Variants in TMED3 observed in about 807,000 individuals in gnomAD.
TMED3 encodes the protein transmembrane emp24 domain-containing protein 3.
A neutral mutation model predicts 15.0 loss-of-function variants in TMED3; 9 were observed. That is an observed-to-expected ratio of 0.60 (90% confidence interval 0.36 to 1.04). The LOEUF is 1.04. TMED3 is among the 50% of genes least tolerant of loss of function. The pLI, the probability that TMED3 is intolerant of heterozygous loss-of-function variation, is 0.01. For synonymous variants in TMED3, 117 were observed against 121.4 expected (o/e 0.96, Z 0.24); for missense variants, 267 against 278.9 (o/e 0.96, Z 0.30).
Position 79,352,863 on chromosome 15 carries a change from TATAC to T in TMED3, c.417+38862_417+38865del, listed in dbSNP as rs2058896992. On this transcript the variant is annotated intron_variant, in intron 2 of 2. Coordinates refer to the TMED3 transcript ENST00000424155. The stretch of plus-strand genomic sequence containing the variant: ...ATATATATAAAATATACATATAAAA[TATAC>T]ATATATAAAATATACATATAATATA... Among the ~76,000 whole-genome samples, 12 of 109,234 alleles carry T rather than the reference TATAC, an allele frequency of 1.1e-4. No individual in the cohort carries two copies. In the South Asian group the frequency reaches 3.6e-3, roughly 32 times the overall value. The allele number at this position is 109,234 out of a possible 152,430, so 71.7% of individuals were successfully genotyped here.
intron 2 of TMED3, among the ~76,000 whole-genome samples, chr15:79,340,947 A>G (rs1349777628): frequency 1.3e-5 from 2 of 152,178 alleles, no homozygotes; most frequent in African/African-American, 2.4e-5. Flanking sequence ...CAATCCCAGC[A>G]CTTTGGGAGG....
At chr15:79,376,924 T>G (rs1893435135) in intron 2 of TMED3, among the ~76,000 whole-genome samples, 1 of 152,100 alleles carries the variant, frequency 6.6e-6, no homozygotes, top group Non-Finnish European at 1.5e-5. Context: ...GTACGTGATG[T>G]GCTCAGTGGC....
chr15:79,334,600 C>T (rs1377570423), intron 2 of TMED3, among the ~76,000 whole-genome samples: 1 of 152,112 alleles, frequency 6.6e-6, no homozygotes, highest in Non-Finnish European at 1.5e-5. Context: ...CTTGCTTCTG[C>T]CTCAACTTCT....
At chr15:79,368,758 C>T (rs1186809152) in intron 2 of TMED3, among the ~76,000 whole-genome samples, 2 of 151,984 alleles carry the variant, frequency 1.3e-5, no homozygotes, top group African/African-American at 4.8e-5. Flanking sequence ...TCTTCTTGTT[C>T]CCCTGATTTT....
chr15:79,399,891 G>A (rs1192185707), intron 2 of TMED3, among the ~76,000 whole-genome samples: 3 of 152,094 alleles, frequency 2.0e-5, no homozygotes, highest in African/African-American at 4.8e-5. Context: ...ACGGAGGCAG[G>A]GCCTCTTCCT....
At chr15:79,319,296 C>A (rs971655075) in intron 2 of TMED3, among the ~76,000 whole-genome samples, 4 of 152,176 alleles carry the variant, frequency 2.6e-5, no homozygotes, top group African/African-American at 9.7e-5. Context: ...AGACCTGTTG[C>A]CAGAAAGAGG....
intron 2 of TMED3, among the ~76,000 whole-genome samples, chr15:79,369,684 A>G (rs1031771021): frequency 6.6e-6 from 1 of 152,248 alleles, no homozygotes. Context: ...TTCACACATA[A>G]TTATGGAGTA....
At chr15:79,383,955 C>T (rs1300280947) in intron 2 of TMED3, 1 of 152,190 alleles carries the variant, frequency 6.6e-6, no homozygotes, top group Non-Finnish European at 1.5e-5. Context: ...ATTCATGGCC[C>T]TATTTCTGGG....
At chr15:79,377,741 G>A (rs1475772888) in intron 2 of TMED3, among the ~76,000 whole-genome samples, 4 of 146,238 alleles carry the variant, frequency 2.7e-5, no homozygotes, top group East Asian at 2.1e-4. Flanking sequence ...TCCGCCTCCC[G>A]GGTTCACCCA....
intron 2 of TMED3, among the ~76,000 whole-genome samples, chr15:79,320,953 G>GGTT (rs1260075932): frequency 4.6e-5 from 7 of 152,150 alleles, no homozygotes; most frequent in African/African-American, 1.7e-4. Context: ...AGTTCTTTGT[G>GGTT]GTTGTAGGAC....
chr15:79,382,501 G>A (rs28491008), intron 2 of TMED3, among the ~76,000 whole-genome samples: 18,276 of 152,214 alleles, frequency 0.12, 1,155 homozygotes, highest in Admixed American at 0.15. Context: ...CTAAAGTTCT[G>A]TTGCAAAGGG....
In TMED3 at chr15:79,411,348, C is replaced by G. The variant is rs966160314; in HGVS notation, c.418-52C>G. 3.1e-5 allele frequency: 22 copies of G among 698,658 alleles called. No homozygotes were observed. The African/African-American group carries it at 3.3e-4, about 11-fold the overall frequency. The allele number at this position is 698,658 out of a possible 1,614,324, so 43.3% of individuals were successfully genotyped here. A position where few individuals can be genotyped will look rare whatever the true frequency, so the allele number is the denominator to read the frequency against. On this transcript the variant is annotated intron_variant, in intron 2 of 2. Coordinates refer to the TMED3 transcript ENST00000424155. ...ATGGAGGGCTTTATCCTGGGCAGTT[C>G]ATGGTTCCACATTTCATCCTTTAAA... is the stretch of plus-strand genomic sequence containing the variant.
intron 2 of TMED3, among the ~76,000 whole-genome samples, chr15:79,345,879 A>G (rs192319585): frequency 3.5e-3 from 530 of 152,014 alleles, no homozygotes; most frequent in African/African-American, 0.012. Flanking sequence ...CATGGTTTTG[A>G]TTTGCATTTC....
intron 2 of TMED3, among the ~76,000 whole-genome samples, chr15:79,375,273 C>G (rs1276557609): frequency 1.3e-5 from 2 of 152,032 alleles, no homozygotes; most frequent in Non-Finnish European, 2.9e-5. Flanking sequence ...GCACAATGTC[C>G]CACCTCTGCT....
In TMED3 at chr15:79,313,869, T is replaced by C. The variant is rs1390985753; in HGVS notation, c.281T>C (p.Val94Ala). The change falls in exon 2 of 3, where the codon GTC (valine) becomes GCC (alanine). Residue 94 changes from valine (V) to alanine (A), a missense_variant. By Grantham distance (64) the Val-to-Ala change is moderately conservative. Transcript: ENST00000299705. ...QYDSFTYRAEVKGVYQFCFSN... is the reference protein window; with the variant it reads ...QYDSFTYRAEAKGVYQFCFSN... ...GACAGCTTCACGTACCGGGCTGAAGTCAAGGGCGTTTATCAGTTTTGCTTC... is the reference window on the plus strand; with the variant it reads ...GACAGCTTCACGTACCGGGCTGAAGCCAAGGGCGTTTATCAGTTTTGCTTC... The C allele has an allele frequency of 6.2e-7, 1 of 1,614,038 alleles. No individual in the cohort carries two copies. The highest frequency in any genetic ancestry group is 8.5e-7 in the Non-Finnish European group (1 of 1,180,034).
At chr15:79,337,977 T>C (rs2058833115) in intron 2 of TMED3, among the ~76,000 whole-genome samples, 2 of 152,160 alleles carry the variant, frequency 1.3e-5, no homozygotes, top group African/African-American at 2.4e-5. Flanking sequence ...ATGAATAAAA[T>C]AGCTCCCAAT....
intron 2 of TMED3, among the ~76,000 whole-genome samples, chr15:79,385,450 T>C (rs1893612971): frequency 6.6e-6 from 1 of 152,108 alleles, no homozygotes; most frequent in African/African-American, 2.4e-5. Flanking sequence ...CTGGCTGGAA[T>C]GTCAAGCCAG....
At chr15:79,324,527 T>G (rs2058780623), downstream of TMED3, among the ~76,000 whole-genome samples, 1 of 152,208 alleles carries the variant, frequency 6.6e-6, no homozygotes, top group Non-Finnish European at 1.5e-5. Flanking sequence ...ATCGTCTTAG[T>G]AATTAGAATC....
At chr15:79,376,348 A>C (rs1303778339) in intron 2 of TMED3, among the ~76,000 whole-genome samples, 1 of 152,226 alleles carries the variant, frequency 6.6e-6, no homozygotes, top group African/African-American at 2.4e-5. Context: ...AGGCCATTAG[A>C]GATAGATATT....
Sources: allele counts gnomAD v4.1 joint callset (sites outside exome capture counted in the v4.1 genomes callset), GRCh38; gene constraint gnomAD v4.1.1; transcripts MANE v1.5; gene names NCBI Gene and HGNC (gene_info 2026-07-23, HGNC 2026-07-21).